CSMD1: variants seen among roughly 807,000 people sequenced by gnomAD.
CSMD1 encodes the protein CUB and sushi domain-containing protein 1.
In CSMD1, 213 loss-of-function variants were observed where a neutral mutation model predicts 417.5. That is an observed-to-expected ratio of 0.51 (90% CI 0.46 to 0.57). The LOEUF is 0.57. Among genes scored for constraint, CSMD1 ranks in the 20% least tolerant of loss-of-function variants. CSMD1 has a pLI of 0.00. For synonymous variants in CSMD1, 2,862 were observed against 1,736.8 expected, an observed-to-expected ratio of 1.65 and a Z score of -16.11; for missense variants, 6,923 against 4,529.7, an observed-to-expected ratio of 1.53 and a Z score of -15.17.
chr8:3,430,805 T>A (rs1225417238), intron 12 of CSMD1, among the ~76,000 whole-genome samples: 1 of 152,130 alleles, frequency 6.6e-6, no homozygotes, highest in East Asian at 1.9e-4. Context: ...AGACTCCATT[T>A]CAACAACAAC....
At chr8:3,758,773 G>C (rs1159989976) in intron 5 of CSMD1, among the ~76,000 whole-genome samples, 1 of 152,178 alleles carries the variant, frequency 6.6e-6, no homozygotes, top group Non-Finnish European at 1.5e-5. Context: ...CTGTCAATGT[G>C]TCACCTGACA....
At chr8:4,744,867 A>C (rs1237906424) in intron 1 of CSMD1, among the ~76,000 whole-genome samples, 2 of 152,186 alleles carry the variant, frequency 1.3e-5, no homozygotes, top group African/African-American at 4.8e-5. Flanking sequence ...TCAGACATTA[A>C]AGTTGAACTG....
At chr8:3,837,409 T>C (rs1435651353) in intron 5 of CSMD1, among the ~76,000 whole-genome samples, 1 of 152,104 alleles carries the variant, frequency 6.6e-6, no homozygotes, top group Non-Finnish European at 1.5e-5. Context: ...CACTTTGATC[T>C]CAAAGGACTG....
intron 12 of CSMD1, among the ~76,000 whole-genome samples, chr8:3,448,736 C>T (rs767130987): frequency 6.6e-6 from 1 of 152,100 alleles, no homozygotes; most frequent in Non-Finnish European, 1.5e-5. Flanking sequence ...CTCCTGCACA[C>T]CACAGAGGGA....
At chr8:3,644,947 GA>G (rs1386590137) in intron 7 of CSMD1, among the ~76,000 whole-genome samples, 5 of 122,858 alleles carry the variant, frequency 4.1e-5, no homozygotes, top group Non-Finnish European at 7.8e-5. Flanking sequence ...CAGGGTTACG[GA>G]TCACTAAGGC....
At chr8:4,303,640 G>T (rs1798101383) in intron 3 of CSMD1, among the ~76,000 whole-genome samples, 1 of 151,870 alleles carries the variant, frequency 6.6e-6, no homozygotes, top group South Asian at 2.1e-4. Context: ...TGACTGGGAA[G>T]TTTTTCACTT....
intron 3 of CSMD1, among the ~76,000 whole-genome samples, chr8:4,116,948 T>G (rs1042665248): frequency 3.9e-5 from 6 of 152,070 alleles, no homozygotes; most frequent in African/African-American, 1.4e-4. Flanking sequence ...TTCCATGAAG[T>G]CTGAGAATCA....
At chr8:4,625,488 C>A (rs1211539182) in intron 2 of CSMD1, among the ~76,000 whole-genome samples, 1 of 151,970 alleles carries the variant, frequency 6.6e-6, no homozygotes, top group Non-Finnish European at 1.5e-5. Flanking sequence ...CTGAATGAAT[C>A]CACCTTTGTA....
At chr8:3,072,893 T>G (rs1417895508) in intron 49 of CSMD1, among the ~76,000 whole-genome samples, 1 of 152,132 alleles carries the variant, frequency 6.6e-6, no homozygotes, top group Non-Finnish European at 1.5e-5. Flanking sequence ...TTCAGAGTAA[T>G]GCAAAACCCA....
chr8:4,387,998 A>G lies in CSMD1; in HGVS notation c.415+31955T>C, dbSNP rs190676291. Among the ~76,000 whole-genome samples the G allele has an allele frequency of 3.8e-3, 577 of 152,308 alleles. 5 individuals carry two copies. Among genetic ancestry groups the G allele is most frequent in the African/African-American group, 0.013 (526 of 41,568 alleles). On this transcript the variant is annotated intron_variant, in intron 3 of 69. Transcript: ENST00000635120. ...CAGAAGACACAATCATGTTAAACAC[A>G]TAATTGAATCCATTTACACCAAGCA...
At chr8:3,030,664 T>C (rs538394454) in intron 50 of CSMD1, among the ~76,000 whole-genome samples, 1 of 152,074 alleles carries the variant, frequency 6.6e-6, no homozygotes, top group East Asian at 1.9e-4. Flanking sequence ...TTTGTATTTT[T>C]AGTAGAAATG....
chr8:3,169,481 A>G (rs576328354), intron 37 of CSMD1, among the ~76,000 whole-genome samples: 7 of 149,694 alleles, frequency 4.7e-5, no homozygotes, highest in African/African-American at 1.7e-4. Context: ...GAAATCATAG[A>G]AAAAAAAAAG....
Position 3,503,770 on chromosome 8 carries a change from T to A in CSMD1, c.1345-10044A>T, listed in dbSNP as rs188943619. ...TCCCTGTCTCAGCCCACCTGTGGTT[T>A]CAAAATGGCCTAAAAAGCAGCCCCC... On this transcript the variant is annotated intron_variant, in intron 10 of 69. Transcript: ENST00000635120. Among the ~76,000 whole-genome samples the A allele has an allele frequency of 5.3e-3, 810 of 152,158 alleles. 7 individuals carry two copies. The highest frequency in any genetic ancestry group is 0.018 in the African/African-American group (751 of 41,492).
chr8:3,860,549 A>T (rs1804629769), intron 5 of CSMD1, among the ~76,000 whole-genome samples: 1 of 152,180 alleles, frequency 6.6e-6, no homozygotes, highest in Non-Finnish European at 1.5e-5. Flanking sequence ...TGGATTTACC[A>T]ATGATATCAG....
intron 25 of CSMD1, among the ~76,000 whole-genome samples, chr8:3,307,314 C>A (rs1266641906): frequency 1.3e-5 from 2 of 151,960 alleles, no homozygotes; most frequent in Non-Finnish European, 2.9e-5. Flanking sequence ...CCCAACCATC[C>A]CAGCTGAGGC....
At chr8:3,839,545 T>TTATA (rs199550537) in intron 5 of CSMD1, among the ~76,000 whole-genome samples, 1 of 129,348 alleles carries the variant, frequency 7.7e-6, no homozygotes, top group African/African-American at 2.9e-5. Flanking sequence ...ATTTTATATA[T>TTATA]TATATATATA....
At chr8:4,828,991 C>G (rs192690697) in intron 1 of CSMD1, among the ~76,000 whole-genome samples, 1 of 152,112 alleles carries the variant, frequency 6.6e-6, no homozygotes, top group South Asian at 2.1e-4. Flanking sequence ...GATTATTTAT[C>G]AAAACTGCAC....
intron 37 of CSMD1, among the ~76,000 whole-genome samples, chr8:3,168,443 C>A (rs17079530): frequency 6.6e-6 from 1 of 152,018 alleles, no homozygotes; most frequent in African/African-American, 2.4e-5. Flanking sequence ...TTCGAAAAAT[C>A]GCATTAAAGT....
intron 3 of CSMD1, among the ~76,000 whole-genome samples, chr8:4,324,930 C>T (rs1017552951): frequency 6.6e-6 from 1 of 152,128 alleles, no homozygotes. Flanking sequence ...GGGGCCTCTT[C>T]ACGGGAAGGA....
Sources: gnomAD v4.1 joint callset for allele counts (sites outside exome capture counted in the v4.1 genomes callset) on GRCh38, gnomAD v4.1.1 for gene constraint, MANE v1.5 for transcripts, NCBI Gene and HGNC (gene_info 2026-07-23, HGNC 2026-07-21) for gene names.